The following ZNF91 variants were observed in gnomAD, a reference collection of about 807,000 sequenced individuals.
ZNF91 encodes the protein zinc finger protein 91.
ZNF91 carries 7 observed loss-of-function variants against 12.6 expected under a neutral mutation model. That is an observed-to-expected ratio of 0.55 (90% CI 0.31 to 1.04). The LOEUF (loss-of-function observed/expected upper bound fraction) is 1.04, where lower values mean the gene tolerates loss of function less well. Among genes scored for constraint, ZNF91 ranks in the 50% least tolerant of loss-of-function variants. The pLI is 0.05. For missense variants in ZNF91, 1,217 were observed against 1,385.4 expected, an observed-to-expected ratio of 0.88 and a Z score of 1.93; for synonymous variants, 453 against 462.6, an observed-to-expected ratio of 0.98 and a Z score of 0.27.
Position 23,358,051 on chromosome 19 carries a change from C to CTA in ZNF91, c.*1350_*1351dup, listed in dbSNP as rs1283353275. 1 of 152,110 alleles carries CTA rather than the reference C, an allele frequency of 6.6e-6. No individual in the cohort carries two copies. Among genetic ancestry groups the CTA allele is most frequent in the Non-Finnish European group, 1.5e-5 (1 of 68,000 alleles). The allele number at this position is 152,110 out of a possible 1,614,324, so 9.4% of individuals were successfully genotyped here. ...TAAAACTCACTGGCAAAAAAAATCA[C>CTA]TAGAGATGTCAGTCCATTATCTTAC... On this transcript the variant is annotated 3_prime_UTR_variant, in exon 4 of 4. Transcript: ENST00000300619.
At chr19:23,323,623 C>A in intron 1 of ZNF91, among the ~76,000 whole-genome samples, 1 of 145,244 alleles carries the variant, frequency 6.9e-6, no homozygotes, top group South Asian at 2.3e-4. Flanking sequence ...TTTCTCTTCT[C>A]CTTTCTCCTC....
chr19:23,326,951 G>C (rs1280901192), intron 1 of ZNF91: 1 of 152,156 alleles, frequency 6.6e-6, no homozygotes, highest in Non-Finnish European at 1.5e-5. Context: ...CATTTTTAAT[G>C]GATTTTGGTT....
At chr19:23,340,814 G>A (rs29988) in intron 3 of ZNF91, among the ~76,000 whole-genome samples, 70,041 of 149,996 alleles carry the variant, frequency 0.47, 17,160 homozygotes, top group East Asian at 0.82. Flanking sequence ...AAAAAAATCA[G>A]CAGGGTAAAT....
chr19:23,306,053 C>G (rs924223833), intron 3 of ZNF91, among the ~76,000 whole-genome samples: 5 of 152,200 alleles, frequency 3.3e-5, no homozygotes, highest in African/African-American at 1.2e-4. Context: ...CATAGAAATA[C>G]TCATATAATC....
intron 1 of ZNF91, among the ~76,000 whole-genome samples, chr19:23,386,232 G>T (rs562680575): frequency 6.6e-6 from 1 of 152,142 alleles, no homozygotes; most frequent in African/African-American, 2.4e-5. Flanking sequence ...TGATCATACT[G>T]TCCTCCAAAA....
At chr19:23,388,777 G>C (rs568688993) in intron 1 of ZNF91, among the ~76,000 whole-genome samples, 2 of 152,180 alleles carry the variant, frequency 1.3e-5, no homozygotes, top group African/African-American at 2.4e-5. Flanking sequence ...GGGAGGCTGG[G>C]GATGGAGAAT....
intron 3 of ZNF91, among the ~76,000 whole-genome samples, chr19:23,305,768 T>C (rs905744503): frequency 1.3e-5 from 2 of 152,212 alleles, no homozygotes; most frequent in African/African-American, 4.8e-5. Context: ...CCCCCAGTGG[T>C]GCATGAGAAT....
intron 3 of ZNF91, among the ~76,000 whole-genome samples, chr19:23,349,511 T>A (rs1968311737): frequency 6.6e-6 from 1 of 152,218 alleles, no homozygotes; most frequent in South Asian, 2.1e-4. Flanking sequence ...CCTCCCCTCC[T>A]TAATCCAGAC....
intron 1 of ZNF91, among the ~76,000 whole-genome samples, chr19:23,332,392 G>C (rs1213437367): frequency 6.6e-6 from 1 of 151,986 alleles, no homozygotes; most frequent in Non-Finnish European, 1.5e-5. Flanking sequence ...ATGACAGAGG[G>C]ATGTAGATGT....
chr19:23,332,814 T>C (rs1967948761), intron 1 of ZNF91, among the ~76,000 whole-genome samples: 2 of 152,266 alleles, frequency 1.3e-5, no homozygotes, highest in South Asian at 4.2e-4. Flanking sequence ...CTACATGAAC[T>C]GACTGACTTG....
intron 3 of ZNF91, among the ~76,000 whole-genome samples, chr19:23,346,093 T>G (rs575770280): frequency 1.6e-4 from 25 of 152,240 alleles, no homozygotes; most frequent in African/African-American, 6.0e-4. Context: ...ACTGAACATG[T>G]TGTTAGAGTT....
chr19:23,383,075 C>T (rs1257453547), intron 1 of ZNF91, among the ~76,000 whole-genome samples: 1 of 152,154 alleles, frequency 6.6e-6, no homozygotes, highest in East Asian at 1.9e-4. Flanking sequence ...TATCTTTGAA[C>T]ACTGATACAA....
intron 1 of ZNF91, among the ~76,000 whole-genome samples, chr19:23,383,303 TA>T (rs1969777761): frequency 6.6e-6 from 1 of 152,200 alleles, no homozygotes; most frequent in African/African-American, 2.4e-5. Context: ...TCTTTCATGT[TA>T]AAAATCCTCA....
chr19:23,380,167 G>A (rs1969651611), intron 1 of ZNF91: 1 of 148,756 alleles, frequency 6.7e-6, no homozygotes, highest in African/African-American at 2.5e-5. Context: ...GCTGAGGAAG[G>A]AGAATCCCTT....
At chr19:23,316,977 G>A (rs1442175862) in intron 1 of ZNF91, among the ~76,000 whole-genome samples, 7 of 152,250 alleles carry the variant, frequency 4.6e-5, no homozygotes, top group South Asian at 4.1e-4. Context: ...AATTGTTTCC[G>A]TCAACACAGA....
rs1429734755 is a variant in ZNF91 at position 23,361,232 on chromosome 19, A to G, written c.1747T>C (p.Phe583Leu). 1.2e-6 allele frequency: 2 copies of G among 1,613,544 alleles called. No individual in the cohort carries two copies. Among genetic ancestry groups the G allele is most frequent in the African/African-American group, 2.7e-5 (2 of 74,982 alleles). Residue 583 changes from phenylalanine (F) to leucine (L), a missense_variant, in exon 4 of 4, where the codon TTT (phenylalanine) becomes CTT (leucine). This residue lies in a region of ZNF91 where 726 missense variants were observed against 895.5 expected (regional missense o/e 0.81). Transcript: ENST00000300619. Reference sequence around the variant, plus strand: ...GTAGAAAGACTTGAGGAATGATTAAAAGCTTTGCCACATTCTTCACATTTG... The same window carrying G: ...GTAGAAAGACTTGAGGAATGATTAAGAGCTTTGCCACATTCTTCACATTTG... ...LYKCEECGKA[F>L]NHSSSLSTHK... is the part of the protein sequence containing the mutation.
At chr19:23,393,329 A>G (rs1414566558) in intron 1 of ZNF91, among the ~76,000 whole-genome samples, 1 of 152,182 alleles carries the variant, frequency 6.6e-6, no homozygotes, top group Admixed American at 6.5e-5. Flanking sequence ...ATCCACGTCC[A>G]CACTTGAGAA....
Position 23,360,882 on chromosome 19 carries a change from TGAGA to T in ZNF91, c.2093_2096del (p.Leu698GlnfsTer8). The T allele has an allele frequency of 6.2e-7, 1 of 1,613,892 alleles. No homozygotes were observed. Among genetic ancestry groups the T allele is most frequent in the Non-Finnish European group, 8.5e-7 (1 of 1,179,848 alleles). On this transcript the variant is annotated frameshift_variant, in exon 4 of 4. Transcript: ENST00000300619. LOFTEE classifies it low-confidence loss of function (END_TRUNC). ...GTATTATTTTATGTTTAGTAAGGGTTGAGAGTCGCTTAAAAGTTTTGTCACATTC... is the reference window on the plus strand; with the variant it reads ...GTATTATTTTATGTTTAGTAAGGGTTGTCGCTTAAAAGTTTTGTCACATTC...
At chr19:23,344,721 T>G (rs1234870524) in intron 3 of ZNF91, among the ~76,000 whole-genome samples, 1 of 152,178 alleles carries the variant, frequency 6.6e-6, no homozygotes, top group Non-Finnish European at 1.5e-5. Flanking sequence ...AATAAGAATG[T>G]TTTATATCCC....
Sources: allele counts gnomAD v4.1 joint callset (sites outside exome capture counted in the v4.1 genomes callset), GRCh38; gene constraint gnomAD v4.1.1; regional missense constraint gnomAD v4.1.1; transcripts MANE v1.5; gene names NCBI Gene and HGNC (gene_info 2026-07-23, HGNC 2026-07-21).